PTGIS: variants seen among roughly 807,000 people sequenced by gnomAD.
The protein encoded by PTGIS is prostacyclin synthase.
In PTGIS, 45 loss-of-function variants were observed where a neutral mutation model predicts 50.3. The ratio of observed to expected loss-of-function variants is 0.90; its 90% confidence interval spans 0.70 to 1.15. The LOEUF (loss-of-function observed/expected upper bound fraction) is 1.15. Ranked by LOEUF, PTGIS falls within the 50% of genes most tolerant of loss-of-function variation. The pLI is 0.00. For synonymous variants in PTGIS, 260 were observed against 267.7 expected, an observed-to-expected ratio of 0.97 and a Z score of 0.28; for missense variants, 668 against 661.3, an observed-to-expected ratio of 1.01 and a Z score of -0.11.
intron 8 of PTGIS, among the ~76,000 whole-genome samples, chr20:49,512,558 G>A (rs1261118797): frequency 6.6e-6 from 1 of 152,088 alleles, no homozygotes; most frequent in East Asian, 1.9e-4. Context: ...TGTAGTTTAG[G>A]GTCTGACACA....
intron 1 of PTGIS, among the ~76,000 whole-genome samples, chr20:49,557,572 A>G (rs1197615896): frequency 1.3e-5 from 2 of 152,048 alleles, no homozygotes; most frequent in South Asian, 2.1e-4. Flanking sequence ...AGAAAAAAAA[A>G]AAGAAGAAAA....
chr20:49,541,928 C>T (rs1254665870), intron 4 of PTGIS, among the ~76,000 whole-genome samples: 1 of 152,060 alleles, frequency 6.6e-6, no homozygotes, highest in Non-Finnish European at 1.5e-5. Context: ...AAAAATAAAG[C>T]TGAACCAAGC....
At chr20:49,538,030 G>T (rs1352568711) in intron 5 of PTGIS, among the ~76,000 whole-genome samples, 1 of 152,130 alleles carries the variant, frequency 6.6e-6, no homozygotes, top group Admixed American at 6.6e-5. Context: ...AACGTGGGAG[G>T]ATTGCTTGAG....
intron 6 of PTGIS, among the ~76,000 whole-genome samples, chr20:49,517,365 T>C (rs1488223417): frequency 6.6e-6 from 1 of 152,210 alleles, no homozygotes; most frequent in Non-Finnish European, 1.5e-5. Context: ...CATGGGCGCT[T>C]GGCTATCTCT....
chr20:49,513,262 C>A lies in PTGIS; in HGVS notation c.1025-1G>T. On this transcript the variant is annotated splice_acceptor_variant, in intron 7 of 9. Transcript: ENST00000244043. LOFTEE classifies it high-confidence loss of function. Reference sequence around the variant, plus strand: ...CTGAGGCTCTCACTCAGCACGCTATCTGCATGGGGCAGGTGCAAGGAAGAG... The same window carrying A: ...CTGAGGCTCTCACTCAGCACGCTATATGCATGGGGCAGGTGCAAGGAAGAG... 8 of 1,613,148 alleles carry A rather than the reference C, an allele frequency of 5.0e-6. No individual in the cohort carries two copies. The highest frequency in any genetic ancestry group is 6.8e-6 in the Non-Finnish European group (8 of 1,179,884).
At chr20:49,509,902 T>TTTTTTTTTTTTTTC (rs1981266882) in intron 9 of PTGIS, among the ~76,000 whole-genome samples, 1 of 133,012 alleles carries the variant, frequency 7.5e-6, no homozygotes, top group Non-Finnish European at 1.6e-5. Context: ...TTTTTTTTTT[T>TTTTTTTTTTTTTTC]TCTGGAGACA....
chr20:49,518,459 A>T (rs192765869), intron 6 of PTGIS, among the ~76,000 whole-genome samples: 1 of 152,226 alleles, frequency 6.6e-6, no homozygotes. Flanking sequence ...GAATATTAGT[A>T]GAAAAACTGG....
Position 49,544,376 on chromosome 20 carries a change from G to A in PTGIS, c.450C>T (p.Gly150=), listed in dbSNP as rs779486071. 6.2e-6 allele frequency: 10 copies of A among 1,614,004 alleles called. No individual in the cohort carries two copies. Among genetic ancestry groups the A allele is most frequent in the African/African-American group, 1.3e-5 (1 of 74,900 alleles). The change falls in exon 4 of 10, where the codon GGC becomes GGT. Residue 150 remains glycine, a synonymous_variant. Transcript: ENST00000244043. The part of the protein sequence containing the change: ...MYTNLHAVLL[G]DATEAGSGWH... The stretch of plus-strand genomic sequence containing the variant: ...AGCCACTGCCTGCTTCTGTAGCATC[G>A]CCCAACAGCACTGCATGGAGGTTGG...
chr20:49,512,866 T>A (rs764416821), intron 8 of PTGIS, among the ~76,000 whole-genome samples: 19 of 151,900 alleles, frequency 1.3e-4, no homozygotes, highest in Non-Finnish European at 2.2e-4. Flanking sequence ...TTATGCATGA[T>A]CCCATTTAAT....
rs1331374465 is a variant in PTGIS at position 49,514,240 on chromosome 20, GCTGTCTAGAACCTT to G, written c.997_1010del (p.Lys333HisfsTer5). On this transcript the variant is annotated frameshift_variant, in exon 7 of 10. Coordinates refer to ENST00000244043, the MANE Select transcript of PTGIS (RefSeq NM_000961.4). LOFTEE classifies it high-confidence loss of function. Reference sequence around the variant, plus strand: ...TGACGATCTCACCAAGCACAGGTGTGCTGTCTAGAACCTTCTGTGGGAGAGTGGTCGTCTGCGAG... The same window carrying G: ...TGACGATCTCACCAAGCACAGGTGTGCTGTGGGAGAGTGGTCGTCTGCGAG... 2.5e-6 allele frequency: 4 copies of G among 1,613,806 alleles called. No individual in the cohort carries two copies. In the African/African-American group the frequency reaches 5.3e-5, roughly 22 times the overall value.
chr20:49,534,961 T>A (rs1480064401), intron 5 of PTGIS, among the ~76,000 whole-genome samples: 3 of 152,122 alleles, frequency 2.0e-5, no homozygotes, highest in Non-Finnish European at 4.4e-5. Context: ...AGCCGAGGTC[T>A]CGCTACTGCA....
chr20:49,506,902 C>T lies in PTGIS; in HGVS notation c.*1018G>A, dbSNP rs1568665826. On this transcript the variant is annotated 3_prime_UTR_variant, in exon 10 of 10. Transcript: ENST00000244043. ...CTGCATAAGGGAGGCGGCTGCCACT[C>T]AGCTCTGGCCAAGAGTTACCCTTGG... is the stretch of plus-strand genomic sequence containing the variant. 1 of 152,270 alleles carries T rather than the reference C, an allele frequency of 6.6e-6. No individual in the cohort carries two copies. The highest frequency in any genetic ancestry group is 1.9e-4 in the East Asian group (1 of 5,200). 9.4% of individuals were successfully genotyped at this position (152,270 alleles called of 1,614,324 possible).
intron 6 of PTGIS, among the ~76,000 whole-genome samples, chr20:49,517,478 GCA>G (rs1300853173): frequency 1.5e-4 from 23 of 149,728 alleles, no homozygotes; most frequent in Admixed American, 3.3e-4. Context: ...GTGTGTGTGT[GCA>G]CACACAACCA....
chr20:49,560,922 A>C (rs1982756607), intron 1 of PTGIS, among the ~76,000 whole-genome samples: 1 of 152,156 alleles, frequency 6.6e-6, no homozygotes, highest in African/African-American at 2.4e-5. Context: ...AGGAGCCAGT[A>C]AGTGATGTGA....
In PTGIS at chr20:49,559,875, G is replaced by A. The variant is rs73124187; in HGVS notation, c.74+8168C>T. Among the ~76,000 whole-genome samples the A allele has an allele frequency of 2.2e-3, 336 of 152,040 alleles. 2 individuals carry two copies. Among genetic ancestry groups the A allele is most frequent in the Non-Finnish European group, 3.7e-3 (253 of 67,994 alleles). Reference sequence around the variant, plus strand: ...TGAAAATATTCTGGAATTAGATGATGGTGATGATTGCACAACCCGGTGGAT... The same window carrying A: ...TGAAAATATTCTGGAATTAGATGATAGTGATGATTGCACAACCCGGTGGAT... On this transcript the variant is annotated intron_variant, in intron 1 of 9. Transcript: ENST00000244043.
intron 1 of PTGIS, among the ~76,000 whole-genome samples, chr20:49,550,699 C>A (rs1568683774): frequency 6.6e-6 from 1 of 152,170 alleles, no homozygotes; most frequent in Non-Finnish European, 1.5e-5. Flanking sequence ...AATCCCGAAT[C>A]TCTGAAAATT....
In PTGIS at chr20:49,513,257, G is replaced by A. The variant is rs1023569375; in HGVS notation, c.1029C>T (p.Ser343=). ...TAAGCCTGAGGCTCTCACTCAGCAC[G>A]CTATCTGCATGGGGCAGGTGCAAGG... ...KVLDSTPVLD[S]VLSESLRLTA... Residue 343 remains serine, a synonymous_variant, in exon 8 of 10, where the codon AGC becomes AGT. Transcript: ENST00000244043. 1.2e-5 allele frequency: 20 copies of A among 1,613,346 alleles called. No individual in the cohort carries two copies. Among genetic ancestry groups the A allele is most frequent in the Non-Finnish European group, 1.6e-5 (19 of 1,179,918 alleles).
chr20:49,505,097 T>C lies in PTGIS; in HGVS notation c.*2823A>G, dbSNP rs549508220. ...GAGATCACGCCACTGCACTCTAGCC[T>C]GGGCAGCAGAGCGAGACTCCATCTC... On this transcript the variant is annotated 3_prime_UTR_variant, in exon 10 of 10. Transcript: ENST00000244043. 8.0e-6 allele frequency: 1 copy of C among 124,468 alleles called. No homozygotes were observed. Among genetic ancestry groups the C allele is most frequent in the South Asian group, 2.5e-4 (1 of 3,964 alleles). The allele number at this position is 124,468 out of a possible 1,614,324, so 7.7% of individuals were successfully genotyped here.
In PTGIS at chr20:49,548,269, G is replaced by C. The variant is rs144207480; in HGVS notation, c.199-250C>G. Among the ~76,000 whole-genome samples, 3 of 152,344 alleles carry C rather than the reference G, an allele frequency of 2.0e-5. No individual in the cohort carries two copies. The East Asian group carries it at 5.8e-4, about 29-fold the overall frequency. ...AAGATCTCATAGCTGAGAAGTGGCA[G>C]GACTAGGACTGGAATTTGGGAATAT... is the stretch of plus-strand genomic sequence containing the variant. On this transcript the variant is annotated intron_variant, in intron 2 of 9. Transcript: ENST00000244043.
Sources: gnomAD v4.1 joint callset for allele counts (sites outside exome capture counted in the v4.1 genomes callset) on GRCh38, gnomAD v4.1.1 for gene constraint, MANE v1.5 for transcripts, NCBI Gene and HGNC (gene_info 2026-07-23, HGNC 2026-07-21) for gene names.